The following AGBL1 variants were observed in gnomAD, a reference collection of about 807,000 sequenced individuals.
AGBL1 encodes the protein cytosolic carboxypeptidase 4.
A neutral mutation model predicts 118.9 loss-of-function variants in AGBL1; 130 were observed. That is an observed-to-expected ratio of 1.09 (90% CI 0.95 to 1.26). The LOEUF (loss-of-function observed/expected upper bound fraction) is 1.26. AGBL1 is among the 50% of genes most tolerant of loss of function. The probability of loss-of-function intolerance (pLI) is 0.00; values close to 1 mark genes in which losing one functional copy is unlikely to be tolerated. For synonymous variants in AGBL1, 555 were observed against 478.9 expected (o/e 1.16, Z -2.08); for missense variants, 1,584 against 1,298.1 (o/e 1.22, Z -3.38).
chr15:86,559,512 A>T (rs2083783315), intron 21 of AGBL1, among the ~76,000 whole-genome samples: 1 of 152,256 alleles, frequency 6.6e-6, no homozygotes, highest in East Asian at 1.9e-4. Context: ...GACTCATGGC[A>T]TGTATGAGTG....
intron 22 of AGBL1, among the ~76,000 whole-genome samples, chr15:86,780,379 A>G (rs1026582680): frequency 1.3e-5 from 2 of 152,216 alleles, no homozygotes; most frequent in Non-Finnish European, 2.9e-5. Flanking sequence ...ATAGATTTAT[A>G]ACAGCTCTCA....
At chr15:86,935,408 G>A (rs2080657902) in intron 23 of AGBL1, among the ~76,000 whole-genome samples, 1 of 152,192 alleles carries the variant, frequency 6.6e-6, no homozygotes, top group Non-Finnish European at 1.5e-5. Context: ...GATGGCTTAG[G>A]AGAAGACAGA....
chr15:86,461,437 TGAG>T (rs1334836391), intron 18 of AGBL1, among the ~76,000 whole-genome samples: 4 of 152,178 alleles, frequency 2.6e-5, no homozygotes, highest in Admixed American at 6.6e-5. Flanking sequence ...GGACCGCATC[TGAG>T]AAGAACGTTT....
At chr15:86,722,198 AGT>A (rs2086734591) in intron 22 of AGBL1, among the ~76,000 whole-genome samples, 1 of 152,210 alleles carries the variant, frequency 6.6e-6, no homozygotes, top group Non-Finnish European at 1.5e-5. Flanking sequence ...CGCATTGCCA[AGT>A]CAATCCTAAG....
chr15:86,905,853 T>C (rs529109548), intron 22 of AGBL1, among the ~76,000 whole-genome samples: 1 of 152,292 alleles, frequency 6.6e-6, no homozygotes, highest in Non-Finnish European at 1.5e-5. Flanking sequence ...GCTACTTTAT[T>C]ACCCACAAGT....
chr15:86,819,872 C>T (rs569945068), intron 22 of AGBL1, among the ~76,000 whole-genome samples: 25 of 152,108 alleles, frequency 1.6e-4, no homozygotes, highest in East Asian at 1.2e-3. Context: ...AGAGGCATCA[C>T]GCTACCTGAC....
intron 4 of AGBL1, 25 bp from the exon 5 acceptor site, chr15:86,158,908 A>G (rs1487986319): frequency 6.2e-7 from 1 of 1,606,370 alleles, no homozygotes; most frequent in South Asian, 1.1e-5. Flanking sequence ...TGTGACCATA[A>G]CTACTGTGCT....
intron 22 of AGBL1, among the ~76,000 whole-genome samples, chr15:86,750,774 G>A (rs573649211): frequency 7.3e-5 from 11 of 151,564 alleles, no homozygotes; most frequent in African/African-American, 1.7e-4. Flanking sequence ...ATTTTTTCTC[G>A]TCCTTTGCCT....
intron 17 of AGBL1, among the ~76,000 whole-genome samples, chr15:86,337,083 C>CA (rs1435166034): frequency 4.6e-5 from 7 of 152,210 alleles, no homozygotes. Context: ...GATGGACACA[C>CA]AAAACAATTT....
At chr15:86,677,829 G>T (rs75376377) in intron 22 of AGBL1, among the ~76,000 whole-genome samples, 2 of 152,114 alleles carry the variant, frequency 1.3e-5, no homozygotes, top group Admixed American at 6.6e-5. Flanking sequence ...TAATTAAAAA[G>T]GTGCTTGATT....
intron 24 of AGBL1, among the ~76,000 whole-genome samples, chr15:87,019,734 A>T (rs1191904086): frequency 6.6e-6 from 1 of 152,102 alleles, no homozygotes; most frequent in East Asian, 1.9e-4. Flanking sequence ...AGAGCAAACA[A>T]ATCCAAAACA....
At chr15:87,017,959 C>T (rs28859112) in intron 24 of AGBL1, among the ~76,000 whole-genome samples, 11,310 of 152,084 alleles carry the variant, frequency 0.074, 1,433 homozygotes, top group African/African-American at 0.26. Flanking sequence ...CATAACCAAC[C>T]TAAAGGAGCT....
intron 18 of AGBL1, among the ~76,000 whole-genome samples, chr15:86,500,271 T>A (rs1006916922): frequency 2.6e-5 from 4 of 151,816 alleles, no homozygotes; most frequent in African/African-American, 9.7e-5. Context: ...CATGGCTTCT[T>A]GATAATCATT....
Position 86,828,973 on chromosome 15 carries a change from T to C in AGBL1, c.3159-78114T>C, listed in dbSNP as rs367591112. 2.5e-4 allele frequency among the ~76,000 whole-genome samples: 37 copies of C among 148,298 alleles called. No individual in the cohort carries two copies. In the East Asian group the frequency reaches 7.2e-3, roughly 29 times the overall value. On this transcript the variant is annotated intron_variant, in intron 22 of 22. Coordinates refer to ENST00000614907, the MANE Select transcript of AGBL1 (RefSeq NM_001386094.1). ...TATTTATATGGTATAATAAATATTA[T>C]ATATATAGTATGTATATAATTGAAT...
At chr15:86,936,073 A>C (rs2080670298) in intron 23 of AGBL1, among the ~76,000 whole-genome samples, 1 of 152,238 alleles carries the variant, frequency 6.6e-6, no homozygotes, top group Non-Finnish European at 1.5e-5. Context: ...TGGGTCTCAC[A>C]GGCGGGCTGC....
At chr15:86,640,827 T>G (rs1055837502) in intron 21 of AGBL1, among the ~76,000 whole-genome samples, 1 of 152,168 alleles carries the variant, frequency 6.6e-6, no homozygotes, top group Non-Finnish European at 1.5e-5. Flanking sequence ...TTAGCCAGTT[T>G]ACATCCTTCC....
chr15:86,124,428 C>G (rs939479541), intron 1 of AGBL1, among the ~76,000 whole-genome samples: 3 of 151,336 alleles, frequency 2.0e-5, no homozygotes, highest in African/African-American at 7.3e-5. Flanking sequence ...TTAGTTTTGA[C>G]AAATGTATCA....
At chr15:86,287,540 AT>A (rs2079473803) in intron 16 of AGBL1, among the ~76,000 whole-genome samples, 1 of 152,136 alleles carries the variant, frequency 6.6e-6, no homozygotes. Context: ...TAAGGGATCA[AT>A]TCTCATTCTT....
At chr15:86,237,114 G>T (rs2078564754) in intron 6 of AGBL1, among the ~76,000 whole-genome samples, 1 of 152,092 alleles carries the variant, frequency 6.6e-6, no homozygotes, top group South Asian at 2.1e-4. Flanking sequence ...GACAAGAAAC[G>T]TTCTGGAGCT....
Sources: allele counts gnomAD v4.1 joint callset (sites outside exome capture counted in the v4.1 genomes callset), GRCh38; gene constraint gnomAD v4.1.1; transcripts MANE v1.5; gene names NCBI Gene and HGNC (gene_info 2026-07-23, HGNC 2026-07-21).